The following VCAN variants were observed in gnomAD, a reference collection of about 807,000 sequenced individuals.
VCAN encodes the protein versican core protein.
A neutral mutation model predicts 245.5 loss-of-function variants in VCAN; 44 were observed. The observed-to-expected ratio is 0.18, with a 90% CI of 0.14 to 0.23. VCAN has a LOEUF of 0.23. Ranked by LOEUF, VCAN falls within the 10% of genes least tolerant of loss-of-function variation. VCAN has a pLI of 1.00. For synonymous variants in VCAN, 1,413 were observed against 1,437.0 expected (o/e 0.98, Z 0.38); for missense variants, 3,793 against 4,057.9 (o/e 0.93, Z 1.77).
chr5:83,570,787 G>A, intron 12 of VCAN, among the ~76,000 whole-genome samples: 1 of 149,420 alleles, frequency 6.7e-6, no homozygotes, highest in East Asian at 2.0e-4. Flanking sequence ...TGATAGTACT[G>A]TTGGGAGTAA....
intron 1 of VCAN, among the ~76,000 whole-genome samples, chr5:83,477,239 A>G (rs1336013258): frequency 1.3e-5 from 2 of 152,218 alleles, no homozygotes; most frequent in Non-Finnish European, 2.9e-5. Context: ...ATCTAATTCT[A>G]TAATTTTAAT....
intron 5 of VCAN, among the ~76,000 whole-genome samples, chr5:83,497,672 A>G (rs1046536961): frequency 6.6e-6 from 1 of 152,026 alleles, no homozygotes; most frequent in Non-Finnish European, 1.5e-5. Context: ...AATAATCCTT[A>G]TTAGGAATTT....
At chr5:83,573,335 C>T (rs1249757370) in intron 13 of VCAN, among the ~76,000 whole-genome samples, 2 of 152,040 alleles carry the variant, frequency 1.3e-5, no homozygotes, top group Non-Finnish European at 2.9e-5. Context: ...GGCCCATATT[C>T]AGATTTGTCG....
intron 13 of VCAN, among the ~76,000 whole-genome samples, chr5:83,579,718 G>T (rs1279964182): frequency 6.6e-6 from 1 of 152,126 alleles, no homozygotes; most frequent in Non-Finnish European, 1.5e-5. Context: ...CCTTCCAGAG[G>T]GGTAGATGAA....
chr5:83,490,020 G>C, intron 2 of VCAN, 78 bp from the exon 3 acceptor site: 2 of 1,496,590 alleles, frequency 1.3e-6, no homozygotes, highest in Non-Finnish European at 1.8e-6. Flanking sequence ...TATAAAGGCT[G>C]CTTATCCATT....
chr5:83,543,352 CA>C (rs1343005199), intron 8 of VCAN, among the ~76,000 whole-genome samples: 9 of 152,282 alleles, frequency 5.9e-5, no homozygotes, highest in South Asian at 4.1e-4. Flanking sequence ...GAAGAAAAAT[CA>C]GTACTTTAAT....
chr5:83,520,212 C>T lies in VCAN; in HGVS notation c.1906C>T (p.Leu636Phe). 4 of 1,614,000 alleles carry T rather than the reference C, an allele frequency of 2.5e-6. No homozygotes were observed. Among genetic ancestry groups the T allele is most frequent in the Non-Finnish European group, 3.4e-6 (4 of 1,179,952 alleles). ...QTSGRITEEF[L>F]GKYLSTTPFP... ...TAGTGGTAGGATAACGGAAGAGTTT[C>T]TTGGCAAATATCTGTCTACTACACC... The change falls in exon 7 of 15, where the codon CTT becomes TTT. Residue 636 changes from leucine (L) to phenylalanine (F), a missense_variant. Leu to Phe is a conservative substitution (Grantham distance 22). Transcript: ENST00000265077.
chr5:83,511,594 G>C (rs1381640262), intron 5 of VCAN, among the ~76,000 whole-genome samples: 2 of 149,770 alleles, frequency 1.3e-5, no homozygotes, highest in Non-Finnish European at 3.0e-5. Flanking sequence ...TTATTTAATG[G>C]CGTTAATCCA....
intron 2 of VCAN, 116 bp from the exon 3 acceptor site, chr5:83,489,982 T>A (rs1357787241): frequency 9.8e-7 from 1 of 1,024,472 alleles, no homozygotes; most frequent in Non-Finnish European, 1.5e-6. Context: ...TCTAATTATG[T>A]CACATGTTGA....
At chr5:83,534,623 G>A (rs1193354) in intron 7 of VCAN, among the ~76,000 whole-genome samples, 100,919 of 151,858 alleles carry the variant, frequency 0.66, 33,963 homozygotes, top group African/African-American at 0.76. Context: ...ATGTAAAATG[G>A]TAGTGTGAGC....
chr5:83,520,449 A>G lies in VCAN; in HGVS notation c.2143A>G (p.Lys715Glu). ...EEITKSPFMG[K>E]TEEEVFSGMK... ...GATCACTAAAAGTCCATTTATGGGA[A>G]AAACAGAAGAAGAAGTCTTCTCTGG... The change falls in exon 7 of 15, where the codon AAA becomes GAA. Residue 715 changes from lysine (K) to glutamate (E), a missense_variant. Coordinates refer to ENST00000265077, the MANE Select transcript of VCAN (RefSeq NM_004385.5). 6.2e-7 allele frequency: 1 copy of G among 1,613,972 alleles called. No homozygotes were observed. Among genetic ancestry groups the G allele is most frequent in the Non-Finnish European group, 8.5e-7 (1 of 1,179,956 alleles).
rs773915266 is a variant in VCAN, at chr5:83,538,346, G to A, written c.5343G>A (p.Gln1781=). ...KSFMSLTTPT[Q]SEREMTDSTP... is the part of the protein sequence containing the mutation. ...TTATGTCCTTGACAACACCAACACAGTCTGAAAGGGAAATGACAGATTCTA... is the reference window on the plus strand; with the variant it reads ...TTATGTCCTTGACAACACCAACACAATCTGAAAGGGAAATGACAGATTCTA... The change falls in exon 8 of 15, where the codon CAG becomes CAA. Residue 1781 remains glutamine (Q), a synonymous_variant. Transcript: ENST00000265077. The A allele has an allele frequency of 3.1e-6, 5 of 1,613,870 alleles. No individual in the cohort carries two copies. In the East Asian group the frequency reaches 1.1e-4, roughly 36 times the overall value.
At chr5:83,496,549 G>A (rs1041395153) in intron 5 of VCAN, among the ~76,000 whole-genome samples, 8 of 152,180 alleles carry the variant, frequency 5.3e-5, no homozygotes, top group Admixed American at 5.2e-4. Context: ...AAAGTAACAA[G>A]GCATTTATTT....
intron 6 of VCAN, chr5:83,512,605 G>A (rs2112392276): frequency 1.6e-6 from 1 of 611,626 alleles, no homozygotes; most frequent in South Asian, 2.1e-5. Context: ...ATTTTTAGAG[G>A]GGTGAGGAAA....
At chr5:83,474,015 G>A (rs1472090708) in intron 1 of VCAN, among the ~76,000 whole-genome samples, 1 of 152,120 alleles carries the variant, frequency 6.6e-6, no homozygotes, top group Admixed American at 6.5e-5. Flanking sequence ...GGTGGAGCCA[G>A]GTTTCGGAGG....
At chr5:83,505,957 ACACTGGCCCCACTCAGC>A (rs940099434) in intron 5 of VCAN, among the ~76,000 whole-genome samples, 15 of 152,202 alleles carry the variant, frequency 9.9e-5, no homozygotes, top group Non-Finnish European at 1.9e-4. Context: ...CCCAAGCTGT[ACACTGGCCCCACTCAGC>A]CACGGTTTGA....
intron 5 of VCAN, among the ~76,000 whole-genome samples, chr5:83,496,243 G>T (rs1448723711): frequency 1.3e-5 from 2 of 152,124 alleles, no homozygotes; most frequent in Non-Finnish European, 2.9e-5. Flanking sequence ...CCCATGACGA[G>T]GGATTTACTA....
chr5:83,502,721 T>G (rs1745368127), intron 5 of VCAN, among the ~76,000 whole-genome samples: 1 of 152,212 alleles, frequency 6.6e-6, no homozygotes, highest in East Asian at 1.9e-4. Context: ...ATTTAGAGAA[T>G]ATTAACTGAC....
Position 83,471,940 on chromosome 5 carries a change from G to A in VCAN, c.-90G>A. The stretch of plus-strand genomic sequence containing the variant: ...TTCCCCGGGCCACCACGCTTCCTAT[G>A]TGACCCGCCTGGGCAACGCCGAACC... On this transcript the variant is annotated 5_prime_UTR_variant, in exon 1 of 15. It adds an upstream start codon to the 5' untranslated region. Transcript: ENST00000265077. 2.5e-6 allele frequency: 1 copy of A among 392,762 alleles called. No individual in the cohort carries two copies. The highest frequency in any genetic ancestry group is 4.5e-6 in the Non-Finnish European group (1 of 222,978). 24.3% of individuals were successfully genotyped at this position (392,762 alleles called of 1,614,324 possible). A position where few individuals can be genotyped will look rare whatever the true frequency, so the allele number is the denominator to read the frequency against.
Sources: allele counts gnomAD v4.1 joint callset (sites outside exome capture counted in the v4.1 genomes callset), GRCh38; gene constraint gnomAD v4.1.1; transcripts MANE v1.5; gene names NCBI Gene and HGNC (gene_info 2026-07-23, HGNC 2026-07-21).